The following MAP3K20 variants were observed in gnomAD, a reference collection of about 807,000 sequenced individuals.
MAP3K20 encodes the protein HCCS-4.
Under a neutral mutation model 85.7 loss-of-function variants are expected in MAP3K20, and 40 were observed. The ratio of observed to expected loss-of-function variants is 0.47; its 90% CI spans 0.36 to 0.61. The LOEUF is 0.61. Among genes scored for constraint, MAP3K20 ranks in the 20% least tolerant of loss-of-function variants. The pLI is 0.00. For synonymous variants in MAP3K20, 325 were observed against 327.7 expected (o/e 0.99, Z 0.09); for missense variants, 817 against 961.7 (o/e 0.85, Z 1.99).
chr2:173,253,062 G>A (rs958109184), intron 16 of MAP3K20, among the ~76,000 whole-genome samples: 4 of 151,980 alleles, frequency 2.6e-5, no homozygotes, highest in Admixed American at 6.6e-5. Flanking sequence ...ATGATTCACA[G>A]CCCCCTGCAC....
intron 2 of MAP3K20, among the ~76,000 whole-genome samples, chr2:173,127,799 G>A (rs1688486461): frequency 6.6e-6 from 1 of 151,482 alleles, no homozygotes; most frequent in African/African-American, 2.4e-5. Flanking sequence ...CCAATAATAA[G>A]AATACCTGCA....
At chr2:173,080,829 T>G (rs1312414867) in intron 1 of MAP3K20, among the ~76,000 whole-genome samples, 2 of 152,202 alleles carry the variant, frequency 1.3e-5, no homozygotes, top group Admixed American at 1.3e-4. Flanking sequence ...TTAGAACCAC[T>G]TGGAACCATT....
intron 2 of MAP3K20, among the ~76,000 whole-genome samples, chr2:173,136,618 T>C (rs1688807011): frequency 6.6e-6 from 1 of 152,178 alleles, no homozygotes; most frequent in Admixed American, 6.5e-5. Flanking sequence ...TAATGTGCTC[T>C]CCGGCTTCAC....
chr2:173,206,885 G>A (rs1234463785), intron 9 of MAP3K20, among the ~76,000 whole-genome samples: 1 of 150,958 alleles, frequency 6.6e-6, no homozygotes, highest in African/African-American at 2.4e-5. Context: ...TCAACCAGAA[G>A]TTAGTGCCAG....
Position 173,082,629 on chromosome 2 carries a change from C to T in MAP3K20, c.-35+6627C>T, listed in dbSNP as rs185285557. Among the ~76,000 whole-genome samples, 267 of 152,336 alleles carry T rather than the reference C, an allele frequency of 1.8e-3. 3 individuals are homozygous for T. Among genetic ancestry groups the T allele is most frequent in the Middle Eastern group, 0.01 (3 of 294 alleles). On this transcript the variant is annotated intron_variant, in intron 1 of 19. Transcript: ENST00000375213. ...GTGAGCCTTGTTTACTCATAGGCTA[C>T]GGCTTTCTCCTCATCCCCAGTCCTG... is the stretch of plus-strand genomic sequence containing the variant.
intron 9 of MAP3K20, among the ~76,000 whole-genome samples, chr2:173,207,157 G>A (rs1683715687): frequency 6.6e-6 from 1 of 151,982 alleles, no homozygotes; most frequent in Non-Finnish European, 1.5e-5. Context: ...AAGGAAAGGT[G>A]GGTATTGGTT....
chr2:173,179,842 AAAATT>A (rs1224598713), intron 3 of MAP3K20, among the ~76,000 whole-genome samples: 32 of 152,308 alleles, frequency 2.1e-4, no homozygotes, highest in African/African-American at 6.5e-4. Context: ...GAACAACCTA[AAAATT>A]AAATTAAGAA....
intron 16 of MAP3K20, among the ~76,000 whole-genome samples, chr2:173,246,535 T>A (rs187247914): frequency 6.6e-5 from 10 of 152,210 alleles, no homozygotes; most frequent in Admixed American, 6.5e-4. Context: ...GGAATATTGA[T>A]TCTCAAATTG....
At chr2:173,106,868 A>G (rs1275703097) in intron 2 of MAP3K20, among the ~76,000 whole-genome samples, 1 of 152,116 alleles carries the variant, frequency 6.6e-6, no homozygotes, top group African/African-American at 2.4e-5. Flanking sequence ...GGGGGCCTGG[A>G]TTTTAGATTG....
chr2:173,146,107 G>C (rs1209046132), intron 2 of MAP3K20, among the ~76,000 whole-genome samples: 1 of 152,134 alleles, frequency 6.6e-6, no homozygotes, highest in Non-Finnish European at 1.5e-5. Flanking sequence ...TCTGTATCTT[G>C]ATTAAGGTCA....
intron 3 of MAP3K20, among the ~76,000 whole-genome samples, chr2:173,177,362 A>C (rs575266165): frequency 6.6e-6 from 1 of 152,278 alleles, no homozygotes; most frequent in East Asian, 1.9e-4. Flanking sequence ...CAACAAAAGG[A>C]AATCTGGAAA....
At chr2:173,144,190 G>T (rs1689058382) in intron 2 of MAP3K20, among the ~76,000 whole-genome samples, 1 of 151,920 alleles carries the variant, frequency 6.6e-6, no homozygotes, top group Admixed American at 6.5e-5. Flanking sequence ...AAGGCCGGGT[G>T]TGGTGGCTCA....
Position 173,163,455 on chromosome 2 carries a change from T to A in MAP3K20, c.160-6350T>A, listed in dbSNP as rs554625343. The stretch of plus-strand genomic sequence containing the variant: ...ATCCATGTTTCTGCAAAGGACATAA[T>A]CTTGTTCTTTTTTATGGCTGCATAA... On this transcript the variant is annotated intron_variant, in intron 2 of 19. Coordinates refer to ENST00000375213, the MANE Select transcript of MAP3K20 (RefSeq NM_016653.3). 2.6e-5 allele frequency among the ~76,000 whole-genome samples: 4 copies of A among 152,342 alleles called. No homozygotes were observed. The East Asian group carries it at 7.7e-4, about 29-fold the overall frequency.
Position 173,144,532 on chromosome 2 carries a change from A to C in MAP3K20, c.160-25273A>C, listed in dbSNP as rs1689082315. Among the ~76,000 whole-genome samples the C allele has an allele frequency of 2.2e-5, 3 of 137,024 alleles. No individual in the cohort carries two copies. In the South Asian group the frequency reaches 6.5e-4, roughly 30 times the overall value. The allele number at this position is 137,024 out of a possible 152,430, so 89.9% of individuals were successfully genotyped here. ...GAGAAAAGAAAAAAAAGAGAAAAGA[A>C]AAGAAATACAAAAAGTAGCTGGGAG... is the stretch of plus-strand genomic sequence containing the variant. On this transcript the variant is annotated intron_variant, in intron 2 of 19. Transcript: ENST00000375213.
At chr2:173,100,266 A>G (rs1687599649) in intron 2 of MAP3K20, among the ~76,000 whole-genome samples, 1 of 152,202 alleles carries the variant, frequency 6.6e-6, no homozygotes, top group African/African-American at 2.4e-5. Flanking sequence ...AATTTGGTGA[A>G]GGGCTTTACA....
At chr2:173,079,744 A>G (rs190221199) in intron 1 of MAP3K20, among the ~76,000 whole-genome samples, 2 of 152,196 alleles carry the variant, frequency 1.3e-5, no homozygotes, top group African/African-American at 2.4e-5. Context: ...TAGGATCGTC[A>G]ATATCACTGT....
chr2:173,265,064 A>T (rs530437666), intron 19 of MAP3K20, among the ~76,000 whole-genome samples: 3 of 152,252 alleles, frequency 2.0e-5, no homozygotes, highest in Admixed American at 2.0e-4. Context: ...AGAAGAAGGC[A>T]TTGTGATGGA....
At chr2:173,248,003 A>C (rs1434982685) in intron 16 of MAP3K20, among the ~76,000 whole-genome samples, 1 of 152,242 alleles carries the variant, frequency 6.6e-6, no homozygotes, top group Non-Finnish European at 1.5e-5. Context: ...GAGGTAAGCG[A>C]AAGTCATTAC....
chr2:173,165,914 T>C lies in MAP3K20; in HGVS notation c.160-3891T>C, dbSNP rs993303904. Among the ~76,000 whole-genome samples, 10 of 152,144 alleles carry C rather than the reference T, an allele frequency of 6.6e-5. No individual in the cohort carries two copies. The South Asian group carries it at 8.3e-4, about 13-fold the overall frequency. ...TCAAACTCCTGAGTTCAAGTGCTTC[T>C]CTTCTCCTGCCTCAGCCTCCCAAAA... On this transcript the variant is annotated intron_variant, in intron 2 of 19. Transcript: ENST00000375213.
Sources: allele counts gnomAD v4.1 joint callset (sites outside exome capture counted in the v4.1 genomes callset), GRCh38; gene constraint gnomAD v4.1.1; transcripts MANE v1.5; gene names NCBI Gene and HGNC (gene_info 2026-07-23, HGNC 2026-07-21).